TENM3: variants seen among roughly 807,000 people sequenced by gnomAD.
TENM3 encodes teneurin transmembrane protein 3, also known as teneurin-3.
Under a neutral mutation model 255.1 loss-of-function variants are expected in TENM3, and 63 were observed. The ratio of observed to expected loss-of-function variants is 0.25; its 90% confidence interval spans 0.20 to 0.30. The LOEUF (loss-of-function observed/expected upper bound fraction) is 0.30, where lower values mean the gene tolerates loss of function less well. TENM3 is among the 10% of genes least tolerant of loss of function. The probability of loss-of-function intolerance (pLI) is 1.00; values close to 1 mark genes in which losing one functional copy is unlikely to be tolerated. For missense variants in TENM3, 2,929 were observed against 3,461.1 expected (o/e 0.85, Z 3.86); for synonymous variants, 1,306 against 1,322.3 (o/e 0.99, Z 0.27).
chr4:181,551,832 ATG>A, the TENM3 span, among the ~76,000 whole-genome samples: 427 of 20,290 alleles, frequency 0.021, 2 homozygotes, highest in African/African-American at 0.051. Flanking sequence ...ATATATATAT[ATG>A]TATATGTGTG....
chr4:181,675,313 A>G, the TENM3 span, among the ~76,000 whole-genome samples: 2 of 152,076 alleles, frequency 1.3e-5, no homozygotes, highest in African/African-American at 2.4e-5. Context: ...AATGAGTTAT[A>G]TTGGAGGAAT....
the TENM3 span, among the ~76,000 whole-genome samples, chr4:182,108,748 A>T: frequency 6.6e-6 from 1 of 152,282 alleles, no homozygotes; most frequent in South Asian, 2.1e-4. Context: ...ACTACTCACA[A>T]AACTCAAAAT....
chr4:182,461,546 A>G (rs945246262), intron 3 of TENM3, among the ~76,000 whole-genome samples: 6 of 152,194 alleles, frequency 3.9e-5, no homozygotes, highest in Middle Eastern at 3.2e-3. Flanking sequence ...ACAATCACAC[A>G]GTAGTACGGT....
At chr4:181,636,469 C>A in the TENM3 span, among the ~76,000 whole-genome samples, 32 of 152,288 alleles carry the variant, frequency 2.1e-4, no homozygotes, top group Admixed American at 7.8e-4. Flanking sequence ...ACCTTCATAA[C>A]AACCTCTAGA....
chr4:182,371,100 A>C (rs1766774748), intron 3 of TENM3, among the ~76,000 whole-genome samples: 1 of 152,108 alleles, frequency 6.6e-6, no homozygotes, highest in Admixed American at 6.5e-5. Flanking sequence ...AAAACTAATT[A>C]GACCAATATT....
the TENM3 span, among the ~76,000 whole-genome samples, chr4:181,822,288 G>T: frequency 6.6e-6 from 1 of 152,140 alleles, no homozygotes; most frequent in East Asian, 1.9e-4. Flanking sequence ...TGCTTTAATA[G>T]TGAGTTTATT....
At chr4:181,752,732 GA>G in the TENM3 span, among the ~76,000 whole-genome samples, 1 of 151,166 alleles carries the variant, frequency 6.6e-6, no homozygotes, top group African/African-American at 2.4e-5. Flanking sequence ...GTAAAATTAT[GA>G]AAAAGTCAAG....
intron 3 of TENM3, among the ~76,000 whole-genome samples, chr4:182,459,353 G>A (rs79139418): frequency 0.033 from 4,961 of 152,188 alleles, 125 homozygotes; most frequent in South Asian, 0.12. Flanking sequence ...GAATTCTGGA[G>A]TTTTTAAGAG....
At chr4:182,083,511 T>C in the TENM3 span, among the ~76,000 whole-genome samples, 2 of 152,218 alleles carry the variant, frequency 1.3e-5, no homozygotes, top group East Asian at 1.9e-4. Context: ...CATTTGCTTT[T>C]TCAACTGTAG....
At chr4:181,898,937 C>G in the TENM3 span, among the ~76,000 whole-genome samples, 1 of 152,078 alleles carries the variant, frequency 6.6e-6, no homozygotes, top group Non-Finnish European at 1.5e-5. Flanking sequence ...GAAGCAGTTG[C>G]TAAATTATAA....
At chr4:181,865,885 A>C in the TENM3 span, among the ~76,000 whole-genome samples, 128 of 152,310 alleles carry the variant, frequency 8.4e-4, no homozygotes, top group Admixed American at 1.7e-3. Flanking sequence ...ATATCTATCT[A>C]TGAACAGAGA....
the TENM3 span, among the ~76,000 whole-genome samples, chr4:181,702,176 T>C: frequency 6.6e-5 from 10 of 152,256 alleles, no homozygotes; most frequent in Admixed American, 5.9e-4. Context: ...GAGTAGGAAC[T>C]GAAACTGAGG....
chr4:181,799,396 T>C, the TENM3 span, among the ~76,000 whole-genome samples: 1 of 152,186 alleles, frequency 6.6e-6, no homozygotes, highest in South Asian at 2.1e-4. Flanking sequence ...ATTTGCAAAA[T>C]AGGATGGTGC....
chr4:181,710,264 A>T, the TENM3 span, among the ~76,000 whole-genome samples: 1 of 152,158 alleles, frequency 6.6e-6, no homozygotes, highest in East Asian at 1.9e-4. Context: ...GAGTCAATAC[A>T]CAGGAAGAAA....
At chr4:182,047,560 CA>C in the TENM3 span, among the ~76,000 whole-genome samples, 156 of 72,312 alleles carry the variant, frequency 2.2e-3, no homozygotes, top group African/African-American at 6.9e-3. Context: ...GACTCCATCT[CA>C]AAAAAAAAAA....
chr4:182,417,618 AGT>A (rs1427630673), intron 3 of TENM3, among the ~76,000 whole-genome samples: 1 of 152,190 alleles, frequency 6.6e-6, no homozygotes, highest in African/African-American at 2.4e-5. Context: ...AACGGCTAAA[AGT>A]CACTTTGAGG....
At chr4:181,562,541 A>G in the TENM3 span, among the ~76,000 whole-genome samples, 3 of 152,170 alleles carry the variant, frequency 2.0e-5, no homozygotes, top group Non-Finnish European at 4.4e-5. Context: ...TGTATTTTCC[A>G]TCATGTTGCT....
At chr4:182,068,297 T>C in the TENM3 span, among the ~76,000 whole-genome samples, 27 of 152,152 alleles carry the variant, frequency 1.8e-4, no homozygotes, top group African/African-American at 6.0e-4. Context: ...TGCAAAATTA[T>C]GGGTTTGAGG....
the TENM3 span, among the ~76,000 whole-genome samples, chr4:181,991,253 T>C: frequency 6.6e-6 from 1 of 152,180 alleles, no homozygotes; most frequent in East Asian, 1.9e-4. Context: ...TTTCCCGTTC[T>C]GTTTTTCAGT....
Sources: gnomAD v4.1 joint callset for allele counts (sites outside exome capture counted in the v4.1 genomes callset) on GRCh38, gnomAD v4.1.1 for gene constraint, MANE v1.5 for transcripts, NCBI Gene and HGNC (gene_info 2026-07-23, HGNC 2026-07-21) for gene names.